The following AXIN2 variants were observed in gnomAD, a reference collection of about 807,000 sequenced individuals.
The protein encoded by AXIN2 is axin-2.
A neutral mutation model predicts 74.7 loss-of-function variants in AXIN2; 21 were observed. The ratio of observed to expected loss-of-function variants is 0.28; its 90% CI spans 0.20 to 0.40. The LOEUF is 0.40. Among genes scored for constraint, AXIN2 ranks in the 10% least tolerant of loss-of-function variants. The probability of loss-of-function intolerance (pLI) is 1.00; values close to 1 mark genes in which losing one functional copy is unlikely to be tolerated. For missense variants in AXIN2, 1,144 were observed against 1,111.1 expected (o/e 1.03, Z -0.42); for synonymous variants, 532 against 454.9 (o/e 1.17, Z -2.16).
intron 2 of AXIN2, among the ~76,000 whole-genome samples, chr17:65,552,691 GA>G (rs930532353): frequency 6.6e-6 from 1 of 152,156 alleles, no homozygotes; most frequent in Non-Finnish European, 1.5e-5. Flanking sequence ...TAATTTGGGG[GA>G]AATCACAGGA....
intron 4 of AXIN2, among the ~76,000 whole-genome samples, chr17:65,540,613 G>A (rs1043103819): frequency 1.3e-5 from 2 of 152,160 alleles, no homozygotes; most frequent in African/African-American, 4.8e-5. Flanking sequence ...AATGGTGGAA[G>A]TGCACCTAGT....
chr17:65,556,816 C>G (rs185809985), intron 2 of AXIN2, among the ~76,000 whole-genome samples: 9 of 152,254 alleles, frequency 5.9e-5, no homozygotes, highest in Admixed American at 2.0e-4. Context: ...GAAATTCACA[C>G]AGAGAGCAAG....
At chr17:65,558,860 A>C in intron 1 of AXIN2, 124 bp from the exon 2 acceptor site, 1 of 567,018 alleles carries the variant, frequency 1.8e-6, no homozygotes, top group Non-Finnish European at 3.1e-6. Flanking sequence ...AATTCAAATC[A>C]AGCAACCCAG....
Position 65,558,126 on chromosome 17 carries a change from C to T in AXIN2, c.495G>A (p.Gln165=). Residue 165 remains glutamine, a synonymous_variant, in exon 2 of 11, where the codon CAG becomes CAA. Transcript: ENST00000307078. ...CCTGGTCAAACATGATGGAATCAATCTGCTGCTTCTTGATGCCATCTCTTA... is the reference window on the plus strand; with the variant it reads ...CCTGGTCAAACATGATGGAATCAATTTGCTGCTTCTTGATGCCATCTCTTA... ...TYIRDGIKKQ[Q]IDSIMFDQAQ... The T allele has an allele frequency of 6.2e-7, 1 of 1,614,182 alleles. No homozygotes were observed. The highest frequency in any genetic ancestry group is 8.5e-7 in the Non-Finnish European group (1 of 1,180,038).
chr17:65,546,125 C>T (rs1448912148), intron 3 of AXIN2, among the ~76,000 whole-genome samples: 1 of 151,326 alleles, frequency 6.6e-6, no homozygotes, highest in Non-Finnish European at 1.5e-5. Flanking sequence ...CCTCACAGCC[C>T]GCACTGGCCA....
chr17:65,561,575 C>T lies in AXIN2; in HGVS notation c.-242G>A, dbSNP rs535355522. ...CTGAGTTGCCAGGACCTTATCAAAGCGCAGCCGGCTCCAGCCGACTCCCCC... is the reference window on the plus strand; with the variant it reads ...CTGAGTTGCCAGGACCTTATCAAAGTGCAGCCGGCTCCAGCCGACTCCCCC... On this transcript the variant is annotated 5_prime_UTR_variant, in exon 1 of 11. Transcript: ENST00000307078. 6.6e-6 allele frequency: 1 copy of T among 151,560 alleles called. No individual in the cohort carries two copies. Among genetic ancestry groups the T allele is most frequent in the Non-Finnish European group, 1.5e-5 (1 of 67,506 alleles). The allele number at this position is 151,560 out of a possible 1,614,324, so 9.4% of individuals were successfully genotyped here.
At chr17:65,550,013 C>T (rs927274062) in intron 2 of AXIN2, among the ~76,000 whole-genome samples, 9 of 152,196 alleles carry the variant, frequency 5.9e-5, no homozygotes, top group Non-Finnish European at 8.8e-5. Context: ...AAGAGGGGAA[C>T]GAGTCAGTGA....
chr17:65,542,126 T>A (rs2044053175), intron 3 of AXIN2, among the ~76,000 whole-genome samples: 1 of 152,184 alleles, frequency 6.6e-6, no homozygotes, highest in African/African-American at 2.4e-5. Context: ...TACAGCGTGA[T>A]TAATAAAAAG....
chr17:65,538,140 C>G, intron 5 of AXIN2, 63 bp downstream of exon 5: 1 of 1,612,178 alleles, frequency 6.2e-7, no homozygotes, highest in Non-Finnish European at 8.5e-7. Flanking sequence ...CATGCACATG[C>G]GCATACACAT....
chr17:65,552,210 C>T (rs1489759504), intron 2 of AXIN2, among the ~76,000 whole-genome samples: 1 of 152,090 alleles, frequency 6.6e-6, no homozygotes, highest in African/African-American at 2.4e-5. Flanking sequence ...AAAAAGGCCT[C>T]GTAGTTGAGA....
At chr17:65,547,007 T>G (rs969680296) in intron 3 of AXIN2, among the ~76,000 whole-genome samples, 3 of 152,146 alleles carry the variant, frequency 2.0e-5, no homozygotes, top group Non-Finnish European at 4.4e-5. Context: ...CCACCTAGAA[T>G]AGGGACTGGC....
At chr17:65,550,422 C>T (rs1348972472) in intron 2 of AXIN2, among the ~76,000 whole-genome samples, 2 of 152,194 alleles carry the variant, frequency 1.3e-5, no homozygotes, top group Non-Finnish European at 2.9e-5. Context: ...GTTTCAATGG[C>T]CTCTGGCTCC....
rs2144540279 is a variant in AXIN2 at position 65,549,663 on chromosome 17, A to G, written c.816-3T>C. On this transcript the variant is annotated splice_polypyrimidine_tract_variant and splice_region_variant and intron_variant, in intron 2 of 10. Coordinates refer to ENST00000307078, the MANE Select transcript of AXIN2 (RefSeq NM_004655.4). ...CAGGATCGCTCCTCTTGAAGGACCT[A>G]TGGGCAAAGTACAAAAGTGGTTCAG... The G allele has an allele frequency of 1.3e-6, 2 of 1,594,566 alleles. No individual in the cohort carries two copies. The highest frequency in any genetic ancestry group is 1.7e-6 in the Non-Finnish European group (2 of 1,169,472).
At chr17:65,553,813 G>A (rs2044226445) in intron 2 of AXIN2, among the ~76,000 whole-genome samples, 1 of 147,070 alleles carries the variant, frequency 6.8e-6, no homozygotes, top group Non-Finnish European at 1.5e-5. Flanking sequence ...AAACGGAGTG[G>A]GGCTGTTTTC....
rs978541876 is a variant in AXIN2 at position 65,537,532 on chromosome 17, C to A, written c.1504G>T (p.Gly502Cys). Residue 502 changes from glycine to cysteine, a missense_variant, in exon 6 of 11, where the codon GGC becomes TGC. Gly to Cys is a radical substitution (Grantham distance 159). This residue lies in a region of AXIN2 where 1,053 missense variants were observed against 973.5 expected (regional missense o/e 1.08). Transcript: ENST00000307078. ...GTCTGCTTGGTCACAAAGCCTTTGC[C>A]CCCGAGGAGGGGGCAGGCGCCCGGC... is the stretch of plus-strand genomic sequence containing the variant. ...ASPGACPLLGGKGFVTKQTTK... is the reference protein window; with the variant it reads ...ASPGACPLLGCKGFVTKQTTK... 1.9e-6 allele frequency: 3 copies of A among 1,613,578 alleles called. No individual in the cohort carries two copies. Among genetic ancestry groups the A allele is most frequent in the Middle Eastern group, 1.7e-4 (1 of 6,048 alleles).
At chr17:65,541,655 A>G (rs1195600889) in intron 3 of AXIN2, 98 bp from the exon 4 acceptor site, 3 of 989,130 alleles carry the variant, frequency 3.0e-6, no homozygotes. Flanking sequence ...TCCCGCCGAC[A>G]GGGCCACATG....
chr17:65,555,636 A>G (rs990337184), intron 2 of AXIN2, among the ~76,000 whole-genome samples: 2 of 152,154 alleles, frequency 1.3e-5, no homozygotes, highest in African/African-American at 4.8e-5. Context: ...TAACAATCCT[A>G]TGACACAGAC....
chr17:65,560,220 A>C (rs1290729953), intron 1 of AXIN2: 3 of 152,262 alleles, frequency 2.0e-5, no homozygotes, highest in Non-Finnish European at 4.4e-5. Context: ...CCTCTCCGCA[A>C]AAGGGGCCGG....
At chr17:65,552,144 T>G (rs961092482) in intron 2 of AXIN2, among the ~76,000 whole-genome samples, 2 of 151,358 alleles carry the variant, frequency 1.3e-5, no homozygotes, top group East Asian at 3.9e-4. Flanking sequence ...CAGAGAGGAG[T>G]GGTGAGAGTA....
Sources: allele counts gnomAD v4.1 joint callset (sites outside exome capture counted in the v4.1 genomes callset), GRCh38; gene constraint gnomAD v4.1.1; regional missense constraint gnomAD v4.1.1; transcripts MANE v1.5; gene names NCBI Gene and HGNC (gene_info 2026-07-23, HGNC 2026-07-21).